The following A1BG variants were observed in gnomAD, a reference collection of about 807,000 sequenced individuals.
The protein encoded by A1BG is alpha-1-B glycoprotein.
Under a neutral mutation model 46.0 loss-of-function variants are expected in A1BG, and 44 were observed. That is an observed-to-expected ratio of 0.96 (90% CI 0.75 to 1.23). The LOEUF is 1.23. Among genes scored for constraint, A1BG ranks in the 50% most tolerant of loss-of-function variants. A1BG has a pLI of 0.00. For synonymous variants in A1BG, 316 were observed against 314.7 expected, an observed-to-expected ratio of 1.00 and a Z score of -0.04; for missense variants, 707 against 688.8, an observed-to-expected ratio of 1.03 and a Z score of -0.30.
chr19:58,351,109 C>A, intron 5 of A1BG: 1 of 551,038 alleles, frequency 1.8e-6, no homozygotes, highest in Non-Finnish European at 3.3e-6. Flanking sequence ...CAGCAGAGGC[C>A]CTCAGTGCTC....
In A1BG at chr19:58,353,187, C is replaced by T. The variant is rs750877020; in HGVS notation, c.81G>A (p.Thr27=). 63 of 1,613,574 alleles carry T rather than the reference C, an allele frequency of 3.9e-5. No individual in the cohort carries two copies. Among genetic ancestry groups the T allele is most frequent in the Non-Finnish European group, 4.7e-5 (56 of 1,179,704 alleles). ...CGGACTCTGCCCACAGGCTGGGCTGCGTCTCATAAACTGCAAGGGGTGGCT... is the reference window on the plus strand; with the variant it reads ...CGGACTCTGCCCACAGGCTGGGCTGTGTCTCATAAACTGCAAGGGGTGGCT... ...PVTEAAIFYE[T]QPSLWAESES... Residue 27 remains threonine (T), a synonymous_variant, in exon 3 of 8, where the codon ACG becomes ACA. Coordinates refer to ENST00000263100, the MANE Select transcript of A1BG (RefSeq NM_130786.4).
chr19:58,347,424 C>T lies in A1BG; in HGVS notation c.1409G>A (p.Cys470Tyr), dbSNP rs760816395. The stretch of plus-strand genomic sequence containing the variant: ...GTGGGGCACCCAGGAGCGGTAGCGG[C>T]ACCTGTAGTTGCCGGCGTGCTGGGG... ...VGPQHAGNYR[C>Y]RYRSWVPHTF... The change falls in exon 7 of 8, where the codon TGC becomes TAC. Residue 470 changes from cysteine (C) to tyrosine (Y), a missense_variant. By Grantham distance (194) the Cys-to-Tyr change is radical (BLOSUM62 -2). Coordinates refer to ENST00000263100, the MANE Select transcript of A1BG (RefSeq NM_130786.4). The T allele has an allele frequency of 1.3e-5, 21 of 1,610,608 alleles. No homozygotes were observed. The highest frequency in any genetic ancestry group is 1.7e-5 in the Non-Finnish European group (20 of 1,178,854).
chr19:58,347,647 G>T lies in A1BG; in HGVS notation c.1193-7C>A, dbSNP rs1234999390. 15 of 1,402,058 alleles carry T rather than the reference G, an allele frequency of 1.1e-5. No individual in the cohort carries two copies. In the Admixed American group the frequency reaches 2.3e-4, roughly 21 times the overall value. The allele number at this position is 1,402,058 out of a possible 1,614,324, so 86.9% of individuals were successfully genotyped here. A position where few individuals can be genotyped will look rare whatever the true frequency, so the allele number is the denominator to read the frequency against. On this transcript the variant is annotated splice_polypyrimidine_tract_variant and splice_region_variant and intron_variant, in intron 6 of 7. Transcript: ENST00000263100. ...TGAGGCCTGGGAGGGGGTCCTGGGC[G>T]GAGCGGGCGGGTGGTCGGGCCAGGC... is the stretch of plus-strand genomic sequence containing the variant.
intron 2 of A1BG, 43 bp downstream of exon 2, chr19:58,353,249 C>A: frequency 1.2e-6 from 2 of 1,613,820 alleles, no homozygotes; most frequent in Non-Finnish European, 1.7e-6. Context: ...GGGCTCCCCC[C>A]CGGCCTGGGC....
Position 58,351,467 on chromosome 19 carries a change from G to A in A1BG, c.834C>T (p.Thr278=). ...AVALGDGGHY[T]CRYRLHDNQN... is the part of the protein sequence containing the mutation. ...GGTTGTCATGCAGCCGGTAGCGGCA[G>A]GTGTAGTGACCTCCATCCCCCAGGG... Residue 278 remains threonine (T), a synonymous_variant, in exon 5 of 8, where the codon ACC becomes ACT. Transcript: ENST00000263100. 6.2e-7 allele frequency: 1 copy of A among 1,613,794 alleles called. No homozygotes were observed. Among genetic ancestry groups the A allele is most frequent in the Non-Finnish European group, 8.5e-7 (1 of 1,180,028 alleles).
At chr19:58,351,177 C>T (rs1270327956) in intron 5 of A1BG, 1 of 657,598 alleles carries the variant, frequency 1.5e-6, no homozygotes, top group Admixed American at 2.8e-5. Flanking sequence ...TGGCCTGGGC[C>T]AGACCTGTTC....
chr19:58,351,615 G>A lies in A1BG; in HGVS notation c.686C>T (p.Thr229Ile), dbSNP rs746674225. ...ACTCAGGGGAGCCACGCAGGTGAGGGTCACCTTGTTGCCAGGGTGCAGGAC... is the reference window on the plus strand; with the variant it reads ...ACTCAGGGGAGCCACGCAGGTGAGGATCACCTTGTTGCCAGGGTGCAGGAC... The part of the protein sequence containing the change: ...SQVLHPGNKV[T>I]LTCVAPLSGV... Residue 229 changes from threonine to isoleucine, a missense_variant, in exon 5 of 8, where the codon ACC (threonine) becomes ATC (isoleucine). By Grantham distance (89) the Thr-to-Ile change is moderately conservative (BLOSUM62 -1). Coordinates refer to ENST00000263100, the MANE Select transcript of A1BG (RefSeq NM_130786.4). The A allele has an allele frequency of 6.2e-7, 1 of 1,613,530 alleles. No homozygotes were observed. Among genetic ancestry groups the A allele is most frequent in the South Asian group, 1.1e-5 (1 of 91,058 alleles).
In A1BG at chr19:58,346,952, G is replaced by C. The variant is rs533320081; in HGVS notation, c.*70C>G. 2,315 of 1,568,564 alleles carry C rather than the reference G, an allele frequency of 1.5e-3. 22 individuals are homozygous for C. In the African/African-American group the frequency reaches 0.015, roughly 10 times the overall value. On this transcript the variant is annotated 3_prime_UTR_variant, in exon 8 of 8. Coordinates refer to ENST00000263100, the MANE Select transcript of A1BG (RefSeq NM_130786.4). The stretch of plus-strand genomic sequence containing the variant: ...ACCCCGGCCTTGTGCTGCAACAGGA[G>C]GGGAGGGAGCCAGTCCAGAATCCCC...
At chr19:58,349,292 A>C (rs559638654) in intron 6 of A1BG, among the ~76,000 whole-genome samples, 1 of 152,184 alleles carries the variant, frequency 6.6e-6, no homozygotes, top group African/African-American at 2.4e-5. Context: ...CTGTGATTAC[A>C]GGCGTGAGCC....
In A1BG at chr19:58,347,616, C is replaced by G. The variant is rs778239053; in HGVS notation, c.1217G>C (p.Arg406Pro). 48 of 1,476,064 alleles carry G rather than the reference C, an allele frequency of 3.3e-5. No individual in the cohort carries two copies. The highest frequency in any genetic ancestry group is 4.1e-5 in the Non-Finnish European group (46 of 1,117,964). The allele number at this position is 1,476,064 out of a possible 1,614,324, so 91.4% of individuals were successfully genotyped here. ...CAGGACCGCCCCACTCCACGTCGCC[C>G]GGAGCTGAGGCCTGGGAGGGGGTCC... is the stretch of plus-strand genomic sequence containing the variant. ...VDGPPPRPQL[R>P]ATWSGAVLAG... Residue 406 changes from arginine (R) to proline (P), a missense_variant, in exon 7 of 8, where the codon CGG becomes CCG. Coordinates refer to ENST00000263100, the MANE Select transcript of A1BG (RefSeq NM_130786.4).
intron 3 of A1BG, 186 bp from the exon 4 acceptor site, chr19:58,352,741 G>T: frequency 8.7e-7 from 1 of 1,154,140 alleles, no homozygotes; most frequent in Non-Finnish European, 1.2e-6. Flanking sequence ...TGTGGGAGCT[G>T]TACGGCATGC....
chr19:58,352,352 A>C lies in A1BG; in HGVS notation c.544T>G (p.Cys182Gly). The stretch of plus-strand genomic sequence containing the variant: ...CCTTCCCCATCGGTCCGGTAGCTGC[A>C]GCTGTAGTTGCCAGGCTGATGGACT... ...FPVHQPGNYS[C>G]SYRTDGEGAL... Residue 182 changes from cysteine (C) to glycine (G), a missense_variant, in exon 4 of 8, where the codon TGC becomes GGC. Physicochemically the swap from Cys to Gly is radical, Grantham distance 159 (BLOSUM62 -3). Coordinates refer to ENST00000263100, the MANE Select transcript of A1BG (RefSeq NM_130786.4). The C allele has an allele frequency of 6.2e-7, 1 of 1,614,034 alleles. No individual in the cohort carries two copies. The highest frequency in any genetic ancestry group is 1.1e-5 in the South Asian group (1 of 91,086).
At position 58,352,936 on chromosome 19, in the gene A1BG, G is replaced by C. The variant is rs1163251147; in HGVS notation, c.332C>G (p.Thr111Arg). Residue 111 changes from threonine to arginine, a missense_variant, in exon 3 of 8, where the codon ACA (threonine) becomes AGA (arginine). By Grantham distance (71) the Thr-to-Arg change is moderately conservative. Coordinates refer to ENST00000263100, the MANE Select transcript of A1BG (RefSeq NM_130786.4). ...WTQLSKLLEL[T>R]GPKSLPAPWL... is the part of the protein sequence containing the mutation. Reference sequence around the variant, plus strand: ...TTCATGCCCCGGCTCACTTGGCCCTGTCAGCTCCAGGAGCTTGCTCAGCTG... The same window carrying C: ...TTCATGCCCCGGCTCACTTGGCCCTCTCAGCTCCAGGAGCTTGCTCAGCTG... The C allele has an allele frequency of 1.2e-6, 2 of 1,612,280 alleles. No individual in the cohort carries two copies. Among genetic ancestry groups the C allele is most frequent in the Non-Finnish European group, 1.7e-6 (2 of 1,179,354 alleles).
In A1BG at chr19:58,351,323, T is replaced by C. The variant is rs1355558724; in HGVS notation, c.910+68A>G. ...CAGAGCACTGCACTTCCCCAGACTCTACACCTGGTACTGCTCCTGCTCCCC... is the reference window on the plus strand; with the variant it reads ...CAGAGCACTGCACTTCCCCAGACTCCACACCTGGTACTGCTCCTGCTCCCC... On this transcript the variant is annotated intron_variant, in intron 5 of 7. Transcript: ENST00000263100. The C allele has an allele frequency of 1.3e-5, 21 of 1,571,964 alleles. No homozygotes were observed. In the Admixed American group the frequency reaches 3.4e-4, roughly 25 times the overall value.
Position 58,353,094 on chromosome 19 carries a change from G to C in A1BG, c.174C>G (p.Phe58Leu). The change falls in exon 3 of 8, where the codon TTC (phenylalanine) becomes TTG (leucine). Residue 58 changes from phenylalanine (F) to leucine (L), a missense_variant. Coordinates refer to ENST00000263100, the MANE Select transcript of A1BG (RefSeq NM_130786.4). ...GGGCCACCCCATTCTTGAACAGCTG[G>C]AAGTCTGGAGTCTCCAGGTGGGCCT... ...TCQAHLETPDFQLFKNGVAQE... is the reference protein window; with the variant it reads ...TCQAHLETPDLQLFKNGVAQE... 1 of 1,614,180 alleles carries C rather than the reference G, an allele frequency of 6.2e-7. No homozygotes were observed. The highest frequency in any genetic ancestry group is 8.5e-7 in the Non-Finnish European group (1 of 1,180,036).
intron 6 of A1BG, 157 bp from the exon 7 acceptor site, chr19:58,347,797 C>T: frequency 2.5e-6 from 1 of 399,902 alleles, no homozygotes; most frequent in Non-Finnish European, 4.2e-6. Flanking sequence ...CCTCCGGCGC[C>T]GCCGAGCTGC....
intron 5 of A1BG, 43 bp from the exon 6 acceptor site, chr19:58,350,694 G>C (rs1313700164): frequency 1.3e-5 from 17 of 1,333,988 alleles, no homozygotes; most frequent in Non-Finnish European, 1.6e-5. Flanking sequence ...CCAGCGGCTG[G>C]CTCGGCCCTA....
At chr19:58,351,196 A>T in intron 5 of A1BG, 195 bp downstream of exon 5, 1 of 709,154 alleles carries the variant, frequency 1.4e-6, no homozygotes, top group Non-Finnish European at 2.3e-6. Flanking sequence ...TCACCCAGTT[A>T]TTCCCTGTGG....
At position 58,346,932 on chromosome 19, in the gene A1BG, G is replaced by A. The variant is rs1464121085; in HGVS notation, c.*90C>T. 2 of 1,402,782 alleles carry A rather than the reference G, an allele frequency of 1.4e-6. No individual in the cohort carries two copies. The highest frequency in any genetic ancestry group is 1.4e-5 in the African/African-American group (1 of 70,618). The allele number at this position is 1,402,782 out of a possible 1,614,324, so 86.9% of individuals were successfully genotyped here. ...GCTTCTCCAGCCCCCCAGAGACCCC[G>A]GCCTTGTGCTGCAACAGGAGGGGAG... is the stretch of plus-strand genomic sequence containing the variant. On this transcript the variant is annotated 3_prime_UTR_variant, in exon 8 of 8. Coordinates refer to ENST00000263100, the MANE Select transcript of A1BG (RefSeq NM_130786.4).
Sources: allele counts gnomAD v4.1 joint callset (sites outside exome capture counted in the v4.1 genomes callset), GRCh38; gene constraint gnomAD v4.1.1; transcripts MANE v1.5; gene names NCBI Gene and HGNC (gene_info 2026-07-23, HGNC 2026-07-21).